Variants in TPRX1 observed in about 807,000 individuals in gnomAD.
TPRX1 encodes tetra-peptide repeat homeobox protein 1.
TPRX1 carries 2 observed loss-of-function variants against 8.1 expected under a neutral mutation model. That is an observed-to-expected ratio of 0.25 (90% CI 0.10 to 0.78). TPRX1 has a LOEUF of 0.78. Ranked by LOEUF, TPRX1 falls within the 30% of genes least tolerant of loss-of-function variation. TPRX1 has a pLI of 0.70. For synonymous variants in TPRX1, 257 were observed against 254.1 expected, an observed-to-expected ratio of 1.01 and a Z score of -0.11; for missense variants, 517 against 586.9, an observed-to-expected ratio of 0.88 and a Z score of 1.23.
exon 4 of TPRX1, chr19:47,802,487 TTTGGGCCTGAGAATGGGCCTGAGA>T: frequency 2.3e-6 from 3 of 1,300,218 alleles, no homozygotes; most frequent in Non-Finnish European, 3.0e-6. Flanking sequence ...CGGGCCTGGG[TTTGGGCCTGAGAATGGGCCTGAGA>T]TTGGGCCTGG....
At chr19:47,805,273 C>A (rs1967725416) in intron 2 of TPRX1, among the ~76,000 whole-genome samples, 1 of 152,134 alleles carries the variant, frequency 6.6e-6, no homozygotes, top group African/African-American at 2.4e-5. Flanking sequence ...ATATACGGGG[C>A]TCGTGTGCTG....
chr19:47,816,779 G>A lies in TPRX1; in HGVS notation c.151+1689C>T, dbSNP rs183492610. On this transcript the variant is annotated intron_variant, in intron 2 of 3. Transcript: ENST00000535759. ...GATCTCCTGACCTCGTGATCTGCCC[G>A]CCTTGGCCTCCCAAAGTGCTGGGAT... 7.1e-3 allele frequency among the ~76,000 whole-genome samples: 1,070 copies of A among 151,566 alleles called. 15 individuals are homozygous for A. The highest frequency in any genetic ancestry group is 5.9e-3 in the Non-Finnish European group (404 of 67,906).
chr19:47,816,828 A>G lies in TPRX1; in HGVS notation c.151+1640T>C, dbSNP rs568984597. ...ATTACAGGCGTGAGCCACCACGCCC[A>G]GCCCACTGTGAGCTTTTCTTTTGCA... On this transcript the variant is annotated intron_variant, in intron 2 of 3. Transcript: ENST00000535759. 6.2e-4 allele frequency among the ~76,000 whole-genome samples: 95 copies of G among 152,252 alleles called. 1 individual carries two copies. Among genetic ancestry groups the G allele is most frequent in the African/African-American group, 1.3e-3 (53 of 41,544 alleles).
intron 2 of TPRX1, among the ~76,000 whole-genome samples, 177 bp from the exon 2 acceptor site, chr19:47,803,850 CT>C (rs1314147924): frequency 2.0e-5 from 3 of 151,632 alleles, no homozygotes; most frequent in African/African-American, 7.3e-5. Flanking sequence ...GGGTCCACAT[CT>C]AGGAAATAGG....
rs568493920 is a variant in TPRX1 at position 47,816,568 on chromosome 19, C to T, written c.151+1900G>A. ...TTTTTTTTGAGATGGAGTCTCACGC[C>T]GTCGCCCAGGCTGGAGTGCGGTGGC... On this transcript the variant is annotated intron_variant, in intron 2 of 3. Transcript: ENST00000535759. Among the ~76,000 whole-genome samples the T allele has an allele frequency of 7.1e-3, 1,025 of 145,066 alleles. 11 individuals are homozygous for T. The highest frequency in any genetic ancestry group is 0.023 in the African/African-American group (903 of 39,028).
chr19:47,805,655 T>G (rs567391591), intron 2 of TPRX1, among the ~76,000 whole-genome samples: 1 of 152,314 alleles, frequency 6.6e-6, no homozygotes, highest in East Asian at 1.9e-4. Flanking sequence ...TACTTAGAGT[T>G]CTGCTGTAGA....
chr19:47,817,289 T>C (rs981673737), intron 2 of TPRX1, among the ~76,000 whole-genome samples: 6 of 152,208 alleles, frequency 3.9e-5, no homozygotes, highest in Non-Finnish European at 5.9e-5. Flanking sequence ...AATAACTCCA[T>C]GGAAACTTCC....
chr19:47,803,858 T>C (rs933490541), intron 2 of TPRX1, among the ~76,000 whole-genome samples, 185 bp from the exon 2 acceptor site: 8 of 151,754 alleles, frequency 5.3e-5, no homozygotes, highest in South Asian at 4.2e-4. Flanking sequence ...ATCTAGGAAA[T>C]AGGCGCGATA....
chr19:47,814,131 A>T (rs552244828), intron 2 of TPRX1, among the ~76,000 whole-genome samples: 32 of 148,272 alleles, frequency 2.2e-4, no homozygotes, highest in African/African-American at 8.0e-4. Context: ...ATCTCGGCTG[A>T]CTGAAACCTC....
At chr19:47,807,047 G>A (rs866195373) in intron 2 of TPRX1, among the ~76,000 whole-genome samples, 2 of 152,008 alleles carry the variant, frequency 1.3e-5, no homozygotes, top group African/African-American at 4.8e-5. Context: ...TGGGATTACA[G>A]GCATGCACCA....
At chr19:47,812,459 C>G (rs1252055552) in intron 2 of TPRX1, among the ~76,000 whole-genome samples, 1 of 151,864 alleles carries the variant, frequency 6.6e-6, no homozygotes, top group Non-Finnish European at 1.5e-5. Context: ...AATGGCCAAC[C>G]ATGGTGGCTC....
In TPRX1 at chr19:47,813,686, T is replaced by C. The variant is rs75670118; in HGVS notation, c.151+4782A>G. On this transcript the variant is annotated intron_variant, in intron 2 of 3. Transcript: ENST00000535759. ...TGGGGTCCCAGTGTGTGAGTTGCTT[T>C]GTGTCTACCCCCTTCCAGGGTCTGA... 7.9e-3 allele frequency among the ~76,000 whole-genome samples: 1,200 copies of C among 151,790 alleles called. 17 individuals carry two copies. Among genetic ancestry groups the C allele is most frequent in the African/African-American group, 0.027 (1,122 of 41,356 alleles).
chr19:47,803,751 A>C, intron 2 of TPRX1, 78 bp from the exon 2 acceptor site: 1 of 719,930 alleles, frequency 1.4e-6, no homozygotes, highest in Non-Finnish European at 2.2e-6. Context: ...CCCCTGCACC[A>C]GGCCAGGAGC....
At position 47,802,394 on chromosome 19, in the gene TPRX1, G is replaced by GGCCTGGGATCA. The variant is rs1568613687; in HGVS notation, c.907_908insTGATCCCAGGC (p.Pro303LeufsTer49). 2.1e-6 allele frequency: 3 copies of GGCCTGGGATCA among 1,403,546 alleles called. No homozygotes were observed. Among genetic ancestry groups the GGCCTGGGATCA allele is most frequent in the Non-Finnish European group, 2.9e-6 (3 of 1,033,572 alleles). The allele number at this position is 1,403,546 out of a possible 1,614,324, so 86.9% of individuals were successfully genotyped here. A position where few individuals can be genotyped will look rare whatever the true frequency, so the allele number is the denominator to read the frequency against. On this transcript the variant is annotated frameshift_variant, in exon 4 of 4. Coordinates refer to ENST00000535759, the Ensembl canonical transcript of TPRX1. LOFTEE classifies it low-confidence loss of function (END_TRUNC). ...TGGGCCTGAGATTGGGCCTGGGATCGGGCCTGGGATCGGGACTGAGATTGG... is the reference window on the plus strand; with the variant it reads ...TGGGCCTGAGATTGGGCCTGGGATCGGCCTGGGATCAGGCCTGGGATCGGGACTGAGATTGG...
intron 2 of TPRX1, among the ~76,000 whole-genome samples, chr19:47,812,217 T>C (rs1967790338): frequency 6.6e-6 from 1 of 152,162 alleles, no homozygotes; most frequent in South Asian, 2.1e-4. Context: ...GGGACTGATC[T>C]AGGCACCTCC....
chr19:47,801,846 A>T (rs1161467627), exon 4 of TPRX1: 2 of 1,613,948 alleles, frequency 1.2e-6, no homozygotes, highest in African/African-American at 2.7e-5. Context: ...TGGGGCTGAG[A>T]CCCTGAGTGT....
At chr19:47,802,345 C>G (rs147608412) in exon 4 of TPRX1, 7 of 1,114,062 alleles carry the variant, frequency 6.3e-6, no homozygotes, top group Middle Eastern at 4.7e-4. Context: ...GGCCTGGGAT[C>G]GGGCCTGGGT....
intron 3 of TPRX1, among the ~76,000 whole-genome samples, chr19:47,803,218 CG>C (rs145969328): frequency 1.3e-5 from 2 of 151,150 alleles, no homozygotes; most frequent in African/African-American, 2.4e-5. Flanking sequence ...CCCAGGTGCC[CG>C]GGGGGCCAGG....
At chr19:47,811,655 C>T (rs771969114) in intron 2 of TPRX1, among the ~76,000 whole-genome samples, 35 of 151,942 alleles carry the variant, frequency 2.3e-4, no homozygotes, top group Non-Finnish European at 4.1e-4. Flanking sequence ...TGCGCCACCA[C>T]GCCCAGCTAA....
Sources: allele counts gnomAD v4.1 joint callset (sites outside exome capture counted in the v4.1 genomes callset), GRCh38; gene constraint gnomAD v4.1.1; transcripts MANE v1.5; gene names NCBI Gene and HGNC (gene_info 2026-07-23, HGNC 2026-07-21).